The following JMY variants were observed in gnomAD, a reference collection of about 807,000 sequenced individuals.
JMY encodes junction-mediating and -regulatory protein.
JMY carries 46 observed loss-of-function variants against 103.3 expected under a neutral mutation model. The observed-to-expected ratio is 0.45, with a 90% CI of 0.35 to 0.57. The LOEUF (loss-of-function observed/expected upper bound fraction) is 0.57. JMY is among the 20% of genes least tolerant of loss of function. The pLI, the probability that JMY is intolerant of heterozygous loss-of-function variation, is 0.00. For synonymous variants in JMY, 526 were observed against 489.3 expected, an observed-to-expected ratio of 1.07 and a Z score of -0.99; for missense variants, 1,238 against 1,255.2, an observed-to-expected ratio of 0.99 and a Z score of 0.21.
Position 79,311,656 on chromosome 5 carries a change from A to C in JMY, c.1969-747A>C, listed in dbSNP as rs371008222. On this transcript the variant is annotated intron_variant, in intron 7 of 10. Transcript: ENST00000396137. ...AATTAATTTTACCAAATGAGATTTTATTATATAGCTTTTAGATGATTCAAC... is the reference window on the plus strand; with the variant it reads ...AATTAATTTTACCAAATGAGATTTTCTTATATAGCTTTTAGATGATTCAAC... Among the ~76,000 whole-genome samples, 24 of 152,334 alleles carry C rather than the reference A, an allele frequency of 1.6e-4. 1 individual carries two copies. The highest frequency in any genetic ancestry group is 5.5e-4 in the African/African-American group (23 of 41,588).
At chr5:79,308,772 T>A (rs1369784023) in intron 7 of JMY, among the ~76,000 whole-genome samples, 2 of 152,162 alleles carry the variant, frequency 1.3e-5, no homozygotes, top group Non-Finnish European at 2.9e-5. Context: ...TACCGCCTTC[T>A]CCTACACCTA....
chr5:79,255,077 C>CA (rs971367747), intron 1 of JMY, among the ~76,000 whole-genome samples: 2 of 150,484 alleles, frequency 1.3e-5, no homozygotes, highest in Admixed American at 6.6e-5. Flanking sequence ...AGTTTCCCCC[C>CA]AAAAAAGCTA....
intron 7 of JMY, among the ~76,000 whole-genome samples, chr5:79,310,970 T>G (rs1196425102): frequency 6.6e-6 from 1 of 152,054 alleles, no homozygotes; most frequent in Non-Finnish European, 1.5e-5. Context: ...TATAAAAAAT[T>G]TTTAAAATAG....
In JMY at chr5:79,314,927, CA is replaced by C. The variant is rs528848370; in HGVS notation, c.2659+79del. Reference sequence around the variant, plus strand: ...TAAAAAACTATATTTTTTGACGTTGCAAAGCTTAAAACACTTTATTTTTGAC... The same window carrying C: ...TAAAAAACTATATTTTTTGACGTTGCAAGCTTAAAACACTTTATTTTTGAC... On this transcript the variant is annotated intron_variant, in intron 9 of 10. Coordinates refer to ENST00000396137, the MANE Select transcript of JMY (RefSeq NM_152405.5). The C allele has an allele frequency of 9.0e-3, 12,056 of 1,343,536 alleles. 78 individuals are homozygous for C. Among genetic ancestry groups the C allele is most frequent in the Non-Finnish European group, 0.01 (10,382 of 993,102 alleles). 83.2% of individuals were successfully genotyped at this position (1,343,536 alleles called of 1,614,324 possible). A position where few individuals can be genotyped will look rare whatever the true frequency, so the allele number is the denominator to read the frequency against.
rs1747456861 is a variant in JMY, at chr5:79,321,743, C to T, written c.*141C>T. ...TTCAGTGGTGTGAAGAAAGGAAGCA[C>T]AATTGGCAGGTTATCACTTTCCAGT... is the stretch of plus-strand genomic sequence containing the variant. On this transcript the variant is annotated 3_prime_UTR_variant, in exon 11 of 11. Coordinates refer to ENST00000396137, the MANE Select transcript of JMY (RefSeq NM_152405.5). 1 of 152,144 alleles carries T rather than the reference C, an allele frequency of 6.6e-6. No individual in the cohort carries two copies. Among genetic ancestry groups the T allele is most frequent in the South Asian group, 2.1e-4 (1 of 4,816 alleles). The allele number at this position is 152,144 out of a possible 1,614,324, so 9.4% of individuals were successfully genotyped here.
At chr5:79,277,837 G>A (rs1745985614) in intron 1 of JMY, 73 bp from the exon 2 acceptor site, 1 of 1,381,860 alleles carries the variant, frequency 7.2e-7, no homozygotes, top group South Asian at 1.5e-5. Flanking sequence ...GGCATGATAG[G>A]GAGAGTTCAA....
intron 1 of JMY, among the ~76,000 whole-genome samples, 173 bp downstream of exon 1, chr5:79,237,855 G>T (rs1216022213): frequency 2.0e-5 from 3 of 151,996 alleles, no homozygotes; most frequent in Non-Finnish European, 4.4e-5. Flanking sequence ...CTCGGTGGCT[G>T]CTTAATTGAC....
intron 1 of JMY, among the ~76,000 whole-genome samples, chr5:79,264,273 G>A (rs1483671130): frequency 6.6e-6 from 1 of 152,004 alleles, no homozygotes; most frequent in East Asian, 1.9e-4. Context: ...TTTTAGTAGA[G>A]GTGGGGTTTT....
In JMY at chr5:79,290,149, C is replaced by A; in HGVS notation, c.1235C>A (p.Pro412His). The change falls in exon 3 of 11, where the codon CCT becomes CAT. Residue 412 changes from proline (P) to histidine (H), a missense_variant. Coordinates refer to ENST00000396137, the MANE Select transcript of JMY (RefSeq NM_152405.5). ...KISMENDYLG[P>H]RRIESLQKED... ...TCCATGGAGAATGATTATCTGGGAC[C>A]TCGAAGAATTGAGAGTCTACAAAAA... 1 of 1,591,274 alleles carries A rather than the reference C, an allele frequency of 6.3e-7. No homozygotes were observed. The highest frequency in any genetic ancestry group is 8.6e-7 in the Non-Finnish European group (1 of 1,168,340).
intron 2 of JMY, among the ~76,000 whole-genome samples, chr5:79,281,622 A>G (rs887525429): frequency 4.6e-5 from 7 of 152,156 alleles, no homozygotes; most frequent in African/African-American, 1.7e-4. Flanking sequence ...AGCATGGGTA[A>G]ATCTTAAAAT....
At chr5:79,308,045 C>T (rs182579875) in intron 7 of JMY, among the ~76,000 whole-genome samples, 99 of 152,172 alleles carry the variant, frequency 6.5e-4, no homozygotes, top group Admixed American at 1.6e-3. Context: ...CCTTTTTGCT[C>T]ATTTTTTAAA....
intron 7 of JMY, among the ~76,000 whole-genome samples, chr5:79,307,193 G>A (rs1746911220): frequency 6.6e-6 from 1 of 152,196 alleles, no homozygotes; most frequent in South Asian, 2.1e-4. Flanking sequence ...GCAGCAATTA[G>A]TAAAGCTGCT....
chr5:79,249,531 G>A (rs1745011472), intron 1 of JMY, among the ~76,000 whole-genome samples: 1 of 152,194 alleles, frequency 6.6e-6, no homozygotes, highest in African/African-American at 2.4e-5. Flanking sequence ...TGAGCCTTAT[G>A]AGACCCATAA....
chr5:79,253,867 A>G (rs892396579), intron 1 of JMY, among the ~76,000 whole-genome samples: 1 of 150,674 alleles, frequency 6.6e-6, no homozygotes, highest in Non-Finnish European at 1.5e-5. Flanking sequence ...GGGTTTTGCC[A>G]TGTTGCCCAG....
intron 6 of JMY, among the ~76,000 whole-genome samples, chr5:79,302,077 C>T (rs1286128525): frequency 8.1e-6 from 1 of 123,234 alleles, no homozygotes; most frequent in Non-Finnish European, 1.7e-5. Flanking sequence ...GAGTGAAACT[C>T]CGTCTCAAAA....
At chr5:79,241,436 A>G (rs914880858) in intron 1 of JMY, among the ~76,000 whole-genome samples, 4 of 152,372 alleles carry the variant, frequency 2.6e-5, no homozygotes, top group Admixed American at 2.6e-4. Context: ...TGATAAGTGT[A>G]AATTCCTCAA....
chr5:79,237,412 G>T lies in JMY; in HGVS notation c.762G>T (p.Pro254=). The change falls in exon 1 of 11, where the codon CCG becomes CCT. Residue 254 remains proline, a synonymous_variant. Transcript: ENST00000396137. ...QLCSVNSQLE[P]CLPVFPEEPS... is the part of the protein sequence containing the mutation. ...GCTCGGTGAACTCGCAGTTGGAGCC[G>T]TGCCTGCCGGTGTTCCCCGAGGAAC... 6.2e-7 allele frequency: 1 copy of T among 1,613,600 alleles called. No homozygotes were observed. Among genetic ancestry groups the T allele is most frequent in the Non-Finnish European group, 8.5e-7 (1 of 1,180,020 alleles).
chr5:79,291,695 C>T (rs1048648252), intron 4 of JMY, among the ~76,000 whole-genome samples: 3 of 152,188 alleles, frequency 2.0e-5, no homozygotes. Context: ...TATACCATTA[C>T]ATTTTGGAAC....
At chr5:79,241,421 TA>T (rs1305345963) in intron 1 of JMY, among the ~76,000 whole-genome samples, 1 of 152,248 alleles carries the variant, frequency 6.6e-6, no homozygotes, top group Non-Finnish European at 1.5e-5. Flanking sequence ...AAAATTTTTA[TA>T]AATTGATAAG....
Sources: allele counts gnomAD v4.1 joint callset (sites outside exome capture counted in the v4.1 genomes callset), GRCh38; gene constraint gnomAD v4.1.1; transcripts MANE v1.5; gene names NCBI Gene and HGNC (gene_info 2026-07-23, HGNC 2026-07-21).